Variants in SPAG16 observed in about 807,000 individuals in gnomAD.
SPAG16 encodes sperm-associated antigen 16 protein.
SPAG16 carries 86 observed loss-of-function variants against 80.4 expected under a neutral mutation model. That is an observed-to-expected ratio of 1.07 (90% CI 0.90 to 1.28). The LOEUF (loss-of-function observed/expected upper bound fraction) is 1.28. SPAG16 is among the 50% of genes most tolerant of loss of function. The probability of loss-of-function intolerance (pLI) is 0.00; values close to 1 mark genes in which losing one functional copy is unlikely to be tolerated. For missense variants in SPAG16, 870 were observed against 765.3 expected, an observed-to-expected ratio of 1.14 and a Z score of -1.61; for synonymous variants, 294 against 265.9, an observed-to-expected ratio of 1.11 and a Z score of -1.03.
At chr2:213,799,964 A>G (rs2071278390) in intron 10 of SPAG16, among the ~76,000 whole-genome samples, 1 of 150,850 alleles carries the variant, frequency 6.6e-6, no homozygotes, top group Non-Finnish European at 1.5e-5. Context: ...TGGATTGAAA[A>G]AAAAAAAAAA....
chr2:213,861,203 C>T (rs2075442622), intron 10 of SPAG16, among the ~76,000 whole-genome samples: 1 of 152,178 alleles, frequency 6.6e-6, no homozygotes, highest in Admixed American at 6.5e-5. Context: ...GACCTGAATG[C>T]TGCTAATGCT....
intron 9 of SPAG16, among the ~76,000 whole-genome samples, chr2:213,464,592 C>G (rs530458842): frequency 2.4e-4 from 36 of 152,362 alleles, no homozygotes; most frequent in Non-Finnish European, 4.3e-4. Flanking sequence ...CCAGGAGGTA[C>G]TGGATGCCCC....
intron 7 of SPAG16, among the ~76,000 whole-genome samples, chr2:213,354,194 G>A (rs1025633115): frequency 1.3e-5 from 2 of 152,130 alleles, no homozygotes; most frequent in African/African-American, 4.8e-5. Context: ...CTTCATCCAT[G>A]TTCATGTCAA....
At chr2:213,292,289 C>T (rs888849514) in intron 1 of SPAG16, among the ~76,000 whole-genome samples, 17 of 152,170 alleles carry the variant, frequency 1.1e-4, no homozygotes, top group African/African-American at 3.9e-4. Flanking sequence ...TAGGAGCTGT[C>T]TCTCAGAAGG....
Position 213,340,183 on chromosome 2 carries a change from T to A in SPAG16, c.557T>A (p.Leu186Gln). 6.2e-7 allele frequency: 1 copy of A among 1,610,814 alleles called. No individual in the cohort carries two copies. The highest frequency in any genetic ancestry group is 8.5e-7 in the Non-Finnish European group (1 of 1,178,806). Reference sequence around the variant, plus strand: ...TTCAGCAAAGCTAGAGAAGATTTGCTGAAAATTCAGAAAGAACGTGATTTT... The same window carrying A: ...TTCAGCAAAGCTAGAGAAGATTTGCAGAAAATTCAGAAAGAACGTGATTTT... ...QAADKAREDL[L>Q]KIQKERDFHR... The change falls in exon 6 of 16, where the codon CTG (leucine) becomes CAG (glutamine). Residue 186 changes from leucine to glutamine, a missense_variant. Physicochemically the swap from Leu to Gln is moderately radical, Grantham distance 113 (BLOSUM62 -2). Coordinates refer to ENST00000331683, the MANE Select transcript of SPAG16 (RefSeq NM_024532.5).
At chr2:213,570,118 TTC>T (rs2059872994) in intron 10 of SPAG16, among the ~76,000 whole-genome samples, 1 of 94,994 alleles carries the variant, frequency 1.1e-5, no homozygotes, top group Non-Finnish European at 2.0e-5. Context: ...TATTTGATTC[TTC>T]TCTCTTTTTT....
At chr2:213,663,903 A>G (rs976058481) in intron 10 of SPAG16, among the ~76,000 whole-genome samples, 1 of 152,096 alleles carries the variant, frequency 6.6e-6, no homozygotes, top group African/African-American at 2.4e-5. Context: ...TGCATGATGT[A>G]TTAGTTTTCC....
At chr2:214,401,215 C>A (rs1701686393) in intron 15 of SPAG16, among the ~76,000 whole-genome samples, 1 of 151,894 alleles carries the variant, frequency 6.6e-6, no homozygotes, top group Non-Finnish European at 1.5e-5. Context: ...CATTTTGAGG[C>A]ATCTTTTAAA....
chr2:214,380,239 G>A (rs1700370345), intron 15 of SPAG16, among the ~76,000 whole-genome samples: 2 of 152,142 alleles, frequency 1.3e-5, no homozygotes, highest in South Asian at 2.1e-4. Context: ...GTTGTTCACG[G>A]GGTAGAAACT....
intron 15 of SPAG16, among the ~76,000 whole-genome samples, chr2:214,334,800 G>A (rs1021623435): frequency 6.6e-6 from 1 of 152,186 alleles, no homozygotes; most frequent in South Asian, 2.1e-4. Context: ...CAATTGCAAA[G>A]CTTCAACATG....
At chr2:214,354,694 C>G (rs1356163423) in intron 15 of SPAG16, among the ~76,000 whole-genome samples, 1 of 151,104 alleles carries the variant, frequency 6.6e-6, no homozygotes, top group Non-Finnish European at 1.5e-5. Context: ...GTTTGTAGTT[C>G]TCCTTGAAGA....
At chr2:213,708,261 C>A (rs2065841095) in intron 10 of SPAG16, among the ~76,000 whole-genome samples, 1 of 152,182 alleles carries the variant, frequency 6.6e-6, no homozygotes, top group Non-Finnish European at 1.5e-5. Context: ...TTAGGTATGT[C>A]ATTTTCCCCT....
intron 11 of SPAG16, among the ~76,000 whole-genome samples, chr2:213,867,119 CT>C (rs888352504): frequency 1.1e-4 from 16 of 152,090 alleles, no homozygotes; most frequent in African/African-American, 3.6e-4. Context: ...CTGTCCAGAT[CT>C]TTTTTAAGGA....
chr2:213,323,749 G>T (rs1381725057), intron 5 of SPAG16, among the ~76,000 whole-genome samples: 1 of 151,904 alleles, frequency 6.6e-6, no homozygotes, highest in Non-Finnish European at 1.5e-5. Context: ...CAGATGAATG[G>T]GTAAAAAAAA....
chr2:213,778,911 T>C (rs2069771035), intron 10 of SPAG16, among the ~76,000 whole-genome samples: 1 of 152,222 alleles, frequency 6.6e-6, no homozygotes, highest in Non-Finnish European at 1.5e-5. Context: ...TTCTTCATAC[T>C]AGCAATTTCA....
intron 10 of SPAG16, among the ~76,000 whole-genome samples, chr2:213,508,947 C>T (rs975926495): frequency 4.0e-5 from 6 of 151,586 alleles, no homozygotes; most frequent in African/African-American, 1.5e-4. Flanking sequence ...CAGCCTTTAA[C>T]TCCTTTTACT....
At chr2:213,747,710 G>T (rs2067892045) in intron 10 of SPAG16, among the ~76,000 whole-genome samples, 1 of 152,172 alleles carries the variant, frequency 6.6e-6, no homozygotes. Context: ...TGCTATCTAG[G>T]TTTGTATAAG....
intron 13 of SPAG16, among the ~76,000 whole-genome samples, chr2:214,045,510 G>A (rs1315992457): frequency 6.6e-6 from 1 of 152,176 alleles, no homozygotes; most frequent in African/African-American, 2.4e-5. Context: ...AGAAAGCAGA[G>A]GGAAACGTAA....
At chr2:214,007,909 TA>T (rs1374039955) in intron 12 of SPAG16, among the ~76,000 whole-genome samples, 1 of 152,178 alleles carries the variant, frequency 6.6e-6, no homozygotes, top group African/African-American at 2.4e-5. Flanking sequence ...TAGTTTTCAT[TA>T]AATTGCAGAA....
Sources: gnomAD v4.1 joint callset for allele counts (sites outside exome capture counted in the v4.1 genomes callset) on GRCh38, gnomAD v4.1.1 for gene constraint, MANE v1.5 for transcripts, NCBI Gene and HGNC (gene_info 2026-07-23, HGNC 2026-07-21) for gene names.